The following ZC4H2 variants were observed in gnomAD, a reference collection of about 807,000 sequenced individuals.
The protein encoded by ZC4H2 is zinc finger C4H2 domain-containing protein.
For synonymous variants in ZC4H2, 84 were observed against 66.3 expected, an observed-to-expected ratio of 1.27 and a Z score of -1.30; for missense variants, 137 against 173.9, an observed-to-expected ratio of 0.79 and a Z score of 1.19.
At chrX:64,928,811 C>CCTT (rs763124347) in intron 1 of ZC4H2, among the ~76,000 whole-genome samples, 1 of 96,354 alleles carries the variant, frequency 1.0e-5, no homozygotes, top group Non-Finnish European at 2.0e-5. Flanking sequence ...TTCTTCTTCT[C>CCTT]CTTCTTCTTC....
chrX:64,917,650 G>A lies in ZC4H2; in HGVS notation c.*133C>T. The stretch of plus-strand genomic sequence containing the variant: ...AAAGAAATAGGAGCAAAGTGAGAGA[G>A]GGGTTGTGCTTCCATCACATTAAAT... On this transcript the variant is annotated 3_prime_UTR_variant, in exon 5 of 5. Transcript: ENST00000374839. The A allele has an allele frequency of 1.1e-6, 1 of 918,808 alleles. No individual in the cohort carries two copies. The highest frequency in any genetic ancestry group is 1.5e-6 in the Non-Finnish European group (1 of 675,458). The allele number at this position is 918,808 out of a possible 1,213,427, so 75.7% of individuals were successfully genotyped here.
intron 1 of ZC4H2, among the ~76,000 whole-genome samples, chrX:64,956,649 C>T (rs1004053518): frequency 8.1e-5 from 9 of 111,740 alleles, no homozygotes; most frequent in Non-Finnish European, 1.5e-4. Context: ...TTATGGGAGG[C>T]CATTGTTTTG....
intron 1 of ZC4H2, among the ~76,000 whole-genome samples, chrX:65,003,326 A>T (rs1932587539): frequency 8.9e-6 from 1 of 111,840 alleles, no homozygotes; most frequent in Non-Finnish European, 1.9e-5. Context: ...CACATCAGAC[A>T]GTGGGAAAGA....
At chrX:65,032,858 C>G (rs1932953208) in intron 1 of ZC4H2, among the ~76,000 whole-genome samples, 1 of 109,946 alleles carries the variant, frequency 9.1e-6, no homozygotes, top group Non-Finnish European at 1.9e-5. Flanking sequence ...CTCACTGCAA[C>G]CTCCACCTCC....
chrX:65,016,791 T>C (rs1347450223), intron 1 of ZC4H2, among the ~76,000 whole-genome samples: 2 of 112,032 alleles, frequency 1.8e-5, no homozygotes, highest in African/African-American at 6.5e-5. Flanking sequence ...GCTAGAGTTC[T>C]AAGAGAGTCT....
chrX:65,007,539 G>T (rs1355986167), intron 1 of ZC4H2, among the ~76,000 whole-genome samples: 2 of 111,678 alleles, frequency 1.8e-5, no homozygotes, highest in Admixed American at 9.6e-5. Flanking sequence ...TTTAATATCT[G>T]GCTCTGAAGA....
chrX:64,978,014 A>ATG (rs1290231850), upstream of ZC4H2, among the ~76,000 whole-genome samples: 2 of 111,039 alleles, frequency 1.8e-5, no homozygotes, highest in Non-Finnish European at 3.8e-5. Context: ...CAAAAGGAAG[A>ATG]TGGTGACTCA....
At chrX:65,005,941 A>G (rs931767254) in intron 1 of ZC4H2, among the ~76,000 whole-genome samples, 3 of 112,054 alleles carry the variant, frequency 2.7e-5, no homozygotes, top group African/African-American at 9.8e-5. Context: ...TATGCAGCCA[A>G]CAAACATATG....
chrX:64,946,123 C>A (rs1215829577), intron 1 of ZC4H2, among the ~76,000 whole-genome samples: 2 of 109,536 alleles, frequency 1.8e-5, no homozygotes, highest in Non-Finnish European at 3.8e-5. Context: ...GTGCCCCTGG[C>A]GTGTGGGAAA....
Position 64,922,055 on chromosome X carries a change from CT to C in ZC4H2, c.54-68del, listed in dbSNP as rs1479233220. 6.0e-6 allele frequency: 7 copies of C among 1,167,276 alleles called. No homozygotes were observed. In the East Asian group the frequency reaches 1.2e-4, roughly 20 times the overall value. On this transcript the variant is annotated intron_variant, in intron 1 of 4. Coordinates refer to ENST00000374839, the MANE Select transcript of ZC4H2 (RefSeq NM_018684.4). The stretch of plus-strand genomic sequence containing the variant: ...GGAGAAAATAGAAATGGAGCCAGGA[CT>C]TTTTTTCTAAGCCATCTTTACAAGC...
chrX:64,989,821 A>G (rs1190880149), intron 1 of ZC4H2, among the ~76,000 whole-genome samples: 1 of 112,147 alleles, frequency 8.9e-6, no homozygotes, highest in African/African-American at 3.2e-5. Context: ...TAAGACCACA[A>G]TGCAATATCG....
intron 1 of ZC4H2, among the ~76,000 whole-genome samples, chrX:64,943,887 G>A (rs1188935002): frequency 9.0e-6 from 1 of 110,964 alleles, no homozygotes; most frequent in East Asian, 2.8e-4. Context: ...ATGCTAGCTG[G>A]TTTGTTGCAC....
intron 1 of ZC4H2, among the ~76,000 whole-genome samples, chrX:64,955,048 T>C (rs1306186809): frequency 1.8e-5 from 2 of 111,600 alleles, no homozygotes; most frequent in East Asian, 5.6e-4. Context: ...GCTTTTGTTA[T>C]TAAAGGTTCT....
chrX:64,949,016 G>A (rs1930668930), intron 1 of ZC4H2, among the ~76,000 whole-genome samples: 1 of 111,218 alleles, frequency 9.0e-6, no homozygotes, highest in Non-Finnish European at 1.9e-5. Context: ...AGCACAACAG[G>A]GTTTTCTTAG....
chrX:64,981,054 G>A (rs1932072361), upstream of ZC4H2, among the ~76,000 whole-genome samples: 1 of 109,515 alleles, frequency 9.1e-6, no homozygotes, highest in African/African-American at 3.3e-5. Flanking sequence ...GAGGAAGAGT[G>A]CTCCAGGCAG....
At chrX:64,971,792 C>T (rs1038135945) in intron 1 of ZC4H2, among the ~76,000 whole-genome samples, 3 of 111,067 alleles carry the variant, frequency 2.7e-5, no homozygotes, top group Non-Finnish European at 5.7e-5. Context: ...AGGACCCAGT[C>T]GAGAAACATT....
At chrX:64,999,039 G>GT (rs58094683) in intron 1 of ZC4H2, among the ~76,000 whole-genome samples, 799 of 11,867 alleles carry the variant, frequency 0.067, 136 homozygotes, top group Middle Eastern at 0.15. Context: ...TGGATTATGT[G>GT]TTTTTTTTTT....
At chrX:64,922,158 C>T (rs1929226008) in intron 1 of ZC4H2, 170 bp from the exon 2 acceptor site, 2 of 1,058,609 alleles carry the variant, frequency 1.9e-6, no homozygotes, top group African/African-American at 2.0e-5. Flanking sequence ...TGCCAGTAAT[C>T]TCAGCAATTT....
intron 1 of ZC4H2, among the ~76,000 whole-genome samples, chrX:65,014,428 G>A (rs899791884): frequency 2.7e-5 from 3 of 111,729 alleles, no homozygotes; most frequent in African/African-American, 9.8e-5. Flanking sequence ...TCCAAGAACA[G>A]CACAGTCAGC....
Sources: allele counts gnomAD v4.1 joint callset (sites outside exome capture counted in the v4.1 genomes callset), GRCh38; gene constraint gnomAD v4.1.1; transcripts MANE v1.5; gene names NCBI Gene and HGNC (gene_info 2026-07-23, HGNC 2026-07-21).